Variants in DIP2A observed in about 807,000 individuals in gnomAD.
DIP2A encodes disco-interacting protein 2 homolog A.
DIP2A carries 85 observed loss-of-function variants against 177.4 expected under a neutral mutation model. That is an observed-to-expected ratio of 0.48 (90% CI 0.40 to 0.57). The LOEUF (loss-of-function observed/expected upper bound fraction) is 0.57, where lower values mean the gene tolerates loss of function less well. Among genes scored for constraint, DIP2A ranks in the 20% least tolerant of loss-of-function variants. DIP2A has a pLI of 0.00. For missense variants in DIP2A, 1,791 were observed against 2,100.2 expected, an observed-to-expected ratio of 0.85 and a Z score of 2.88; for synonymous variants, 886 against 881.8, an observed-to-expected ratio of 1.00 and a Z score of -0.08.
Position 46,498,668 on chromosome 21 carries a change from G to A in DIP2A, c.490G>A (p.Glu164Lys). The change falls in exon 5 of 38, where the codon GAG (glutamate) becomes AAG (lysine). Residue 164 changes from glutamate (E) to lysine (K), a missense_variant. Physicochemically the swap from Glu to Lys is moderately conservative, Grantham distance 56 (BLOSUM62 1). Transcript: ENST00000417564. This position sits in a 1 kb window ranked among gnomAD's most constrained non-coding sequence, Gnocchi z 4.3. ...STPLQSHSSV[E>K]PWLDRVIQGS... ...TCCGCTCCAGAGCCATTCCAGCGTC[G>A]AGCCCTGGCTCGACCGGGTCATTCA... The A allele has an allele frequency of 3.7e-6, 6 of 1,613,604 alleles. No homozygotes were observed. The highest frequency in any genetic ancestry group is 1.6e-4 in the Middle Eastern group (1 of 6,062).
chr21:46,532,025 T>C (rs1891685441), intron 9 of DIP2A, 102 bp from the exon 10 acceptor site: 1 of 1,035,874 alleles, frequency 9.7e-7, no homozygotes, highest in African/African-American at 1.6e-5. Context: ...ATTATTACAA[T>C]ATTTGGGGCT....
intron 1 of DIP2A, among the ~76,000 whole-genome samples, chr21:46,477,543 T>TGTGTGTGTGTGTGTGTGTGTGTGTGTG (rs2055964791): frequency 1.1e-5 from 1 of 87,094 alleles, no homozygotes; most frequent in African/African-American, 4.3e-5. Flanking sequence ...AAAAAAAGAT[T>TGTGTGTGTGTGTGTGTGTGTGTGTGTG]TGTGTGTGTG....
rs2059743397 is a variant in DIP2A, at chr21:46,539,937, A to C, written c.1982A>C (p.Glu661Ala). 1.2e-6 allele frequency: 2 copies of C among 1,613,894 alleles called. No homozygotes were observed. Among genetic ancestry groups the C allele is most frequent in the African/African-American group, 2.7e-5 (2 of 74,924 alleles). ...NVFQSRGLRP[E>A]VICPCASSPE... ...TTCCAGTCCAGAGGTCTGAGGCCAG[A>C]GGTCATCTGTCCTTGTGCAAGTTCT... The change falls in exon 17 of 38, where the codon GAG (glutamate) becomes GCG (alanine). Residue 661 changes from glutamate (E) to alanine (A), a missense_variant. By Grantham distance (107) the Glu-to-Ala change is moderately radical (BLOSUM62 -1). Coordinates refer to ENST00000417564, the MANE Select transcript of DIP2A (RefSeq NM_015151.4).
chr21:46,538,346 C>A, intron 15 of DIP2A, 137 bp from the exon 16 acceptor site: 1 of 1,293,640 alleles, frequency 7.7e-7, no homozygotes, highest in Non-Finnish European at 1.0e-6. Flanking sequence ...CTGCAGAGAG[C>A]TTGTGACCTG....
At chr21:46,496,204 C>T (rs1216314275) in intron 3 of DIP2A, among the ~76,000 whole-genome samples, 1 of 152,066 alleles carries the variant, frequency 6.6e-6, no homozygotes, top group Admixed American at 6.5e-5. Flanking sequence ...TCCAGCCTAC[C>T]TCTTTCATCT....
Position 46,560,741 on chromosome 21 carries a change from C to A in DIP2A, c.3989C>A (p.Pro1330His). 1 of 1,609,378 alleles carries A rather than the reference C, an allele frequency of 6.2e-7. No individual in the cohort carries two copies. The highest frequency in any genetic ancestry group is 8.5e-7 in the Non-Finnish European group (1 of 1,178,086). ...ICLQGTAGPD[P>H]TTVYVDMRAL... ...TTCCAGGGCACAGCTGGCCCGGACC[C>A]CACAACCGTCTACGTGGACATGCGG... Residue 1330 changes from proline (P) to histidine (H), a missense_variant, in exon 33 of 38, where the codon CCC becomes CAC. Coordinates refer to ENST00000417564, the MANE Select transcript of DIP2A (RefSeq NM_015151.4).
At chr21:46,573,645 C>CAAAAAAAAAAAAAAAAAAA (rs201994694), downstream of DIP2A, among the ~76,000 whole-genome samples, 25 of 52,966 alleles carry the variant, frequency 4.7e-4, 1 homozygote, top group African/African-American at 7.9e-4. Context: ...CCCTCTCTCA[C>CAAAAAAAAAAAAAAAAAAA]AAAAAAAAAA....
chr21:46,514,663 C>T (rs2058488880), intron 8 of DIP2A, among the ~76,000 whole-genome samples: 2 of 103,244 alleles, frequency 1.9e-5, no homozygotes, highest in Non-Finnish European at 3.5e-5. Flanking sequence ...TTTGCACAAG[C>T]TAGAACCTCC....
chr21:46,512,219 T>C (rs2058346170), intron 8 of DIP2A, among the ~76,000 whole-genome samples: 1 of 152,222 alleles, frequency 6.6e-6, no homozygotes, highest in African/African-American at 2.4e-5. Context: ...CTTAAGTAGA[T>C]GGACATTTGG....
chr21:46,551,651 A>G lies in DIP2A; in HGVS notation c.2857A>G (p.Met953Val), dbSNP rs200814131. The G allele has an allele frequency of 2.5e-4, 407 of 1,613,870 alleles. 3 individuals are homozygous for G. Among genetic ancestry groups the G allele is most frequent in the Middle Eastern group, 1.8e-3 (11 of 6,084 alleles). The change falls in exon 24 of 38, where the codon ATG becomes GTG. Residue 953 changes from methionine (M) to valine (V), a missense_variant. Coordinates refer to ENST00000417564, the MANE Select transcript of DIP2A (RefSeq NM_015151.4). ...QKQPEVGPASMIVGNLVAGKR... is the reference protein window; with the variant it reads ...QKQPEVGPASVIVGNLVAGKR... ...GTTTCTAGAGGTTGGACCAGCCTCAATGATCGTGGGGAACCTGGTTGCTGG... is the reference window on the plus strand; with the variant it reads ...GTTTCTAGAGGTTGGACCAGCCTCAGTGATCGTGGGGAACCTGGTTGCTGG...
At chr21:46,545,741 G>A (rs1261146098) in intron 19 of DIP2A, 140 bp from the exon 20 acceptor site, 4 of 951,548 alleles carry the variant, frequency 4.2e-6, no homozygotes, top group Non-Finnish European at 6.4e-6. Flanking sequence ...CAGAAACTGG[G>A]CCTATGCAGG....
intron 35 of DIP2A, 63 bp from the exon 36 acceptor site, chr21:46,565,650 C>T (rs1461793194): frequency 3.3e-6 from 5 of 1,508,118 alleles, no homozygotes; most frequent in East Asian, 2.4e-5. Context: ...GTGGATGTCT[C>T]GTGACAGAAT....
At chr21:46,473,336 G>T (rs575302650) in intron 1 of DIP2A, among the ~76,000 whole-genome samples, 1 of 151,794 alleles carries the variant, frequency 6.6e-6, no homozygotes, top group Non-Finnish European at 1.5e-5. Context: ...GTTGGTGCAT[G>T]CCTGTAATCC....
intron 11 of DIP2A, 32 bp downstream of exon 11, chr21:46,533,679 TTCTGACTGTGG>T: frequency 6.2e-7 from 1 of 1,613,712 alleles, no homozygotes. Flanking sequence ...GGAGTCAGTG[TTCTGACTGTGG>T]TCTGTGTTAA....
chr21:46,519,063 C>T (rs961504360), intron 8 of DIP2A, among the ~76,000 whole-genome samples: 1 of 152,132 alleles, frequency 6.6e-6, no homozygotes, highest in Non-Finnish European at 1.5e-5. Flanking sequence ...AGGGTTCCTC[C>T]CATTTTAGAC....
chr21:46,519,712 T>C (rs2058735379), intron 8 of DIP2A, among the ~76,000 whole-genome samples: 1 of 152,044 alleles, frequency 6.6e-6, no homozygotes, highest in Non-Finnish European at 1.5e-5. Flanking sequence ...CAGCAATATA[T>C]TCCACAACAG....
At position 46,568,968 on chromosome 21, in the gene DIP2A, ACTAAG is replaced by A. The variant is rs1279361880; in HGVS notation, c.*1349_*1353del. 1.3e-5 allele frequency: 2 copies of A among 152,244 alleles called. No individual in the cohort carries two copies. Among genetic ancestry groups the A allele is most frequent in the Non-Finnish European group, 2.9e-5 (2 of 68,050 alleles). The allele number at this position is 152,244 out of a possible 1,614,324, so 9.4% of individuals were successfully genotyped here. On this transcript the variant is annotated 3_prime_UTR_variant, in exon 38 of 38. Coordinates refer to ENST00000417564, the MANE Select transcript of DIP2A (RefSeq NM_015151.4). ...CATTTTATTATTTTGTTCAAACTTGACTAAGCTGAGTGATCTAAAATTATACAGAA... is the reference window on the plus strand; with the variant it reads ...CATTTTATTATTTTGTTCAAACTTGACTGAGTGATCTAAAATTATACAGAA...
chr21:46,567,400 G>A lies in DIP2A; in HGVS notation c.4494G>A (p.Val1498=). ...TATTCACCTGGACCAACCTGCTGGT[G>A]GTGGTGGTGGAGCTGGATGGGCTAG... ...CAVFTWTNLL[V]VVVELDGLEQ... The change falls in exon 38 of 38, where the codon GTG becomes GTA. Residue 1498 remains valine (V), a synonymous_variant. Coordinates refer to ENST00000417564, the MANE Select transcript of DIP2A (RefSeq NM_015151.4). 1 of 1,613,876 alleles carries A rather than the reference G, an allele frequency of 6.2e-7. No homozygotes were observed. The highest frequency in any genetic ancestry group is 8.5e-7 in the Non-Finnish European group (1 of 1,179,828).
chr21:46,460,804 C>T (rs1337163374), intron 1 of DIP2A, among the ~76,000 whole-genome samples: 2 of 151,918 alleles, frequency 1.3e-5, no homozygotes, highest in Non-Finnish European at 2.9e-5. Context: ...AATGATTCTT[C>T]TGCCTCAGCC....
Sources: gnomAD v4.1 joint callset for allele counts (sites outside exome capture counted in the v4.1 genomes callset) on GRCh38, gnomAD v4.1.1 for gene constraint, Gnocchi (gnomAD v3.1) non-coding constraint, MANE v1.5 for transcripts, NCBI Gene and HGNC (gene_info 2026-07-23, HGNC 2026-07-21) for gene names.